KIFC1: variants seen among roughly 807,000 people sequenced by gnomAD.
KIFC1 encodes the protein kinesin-like protein KIFC1.
Under a neutral mutation model 66.6 loss-of-function variants are expected in KIFC1, and 37 were observed. The observed-to-expected ratio is 0.56, with a 90% CI of 0.43 to 0.73. The LOEUF (loss-of-function observed/expected upper bound fraction) is 0.73. Ranked by LOEUF, KIFC1 falls within the 30% of genes least tolerant of loss-of-function variation. KIFC1 has a pLI of 0.00. For synonymous variants in KIFC1, 325 were observed against 343.5 expected, an observed-to-expected ratio of 0.95 and a Z score of 0.60; for missense variants, 721 against 859.8, an observed-to-expected ratio of 0.84 and a Z score of 2.02.
At position 33,406,836 on chromosome 6, in the gene KIFC1, C is replaced by T. The variant is rs140326624; in HGVS notation, c.1938C>T (p.Asn646=). ...TGAACATTTCTCCACTGGAAGAGAA[C>T]GTCTCCGAGTCCCTCAACTCTCTAC... ...MFVNISPLEE[N]VSESLNSLRF... is the part of the protein sequence containing the mutation. Residue 646 remains asparagine, a synonymous_variant, in exon 10 of 11, where the codon AAC becomes AAT. Coordinates refer to ENST00000428849, the MANE Select transcript of KIFC1 (RefSeq NM_002263.4). This position sits in a 1 kb window ranked among gnomAD's most constrained non-coding sequence, Gnocchi z 4.5. The T allele has an allele frequency of 2.9e-5, 47 of 1,613,990 alleles. No homozygotes were observed. The highest frequency in any genetic ancestry group is 4.4e-5 in the South Asian group (4 of 91,084).
chr6:33,399,908 T>C (rs1206620903), intron 3 of KIFC1, among the ~76,000 whole-genome samples: 1 of 152,242 alleles, frequency 6.6e-6, no homozygotes, highest in Non-Finnish European at 1.5e-5. Context: ...TTATAATAAA[T>C]TAACCTTAGT....
Position 33,406,657 on chromosome 6 carries a change from T to C in KIFC1, c.1893T>C (p.Ser631=). 6.2e-7 allele frequency: 1 copy of C among 1,613,650 alleles called. No individual in the cohort carries two copies. Among genetic ancestry groups the C allele is most frequent in the Non-Finnish European group, 8.5e-7 (1 of 1,179,910 alleles). Residue 631 remains serine (S), a synonymous_variant, in exon 9 of 11, where the codon AGT becomes AGC. Coordinates refer to ENST00000428849, the MANE Select transcript of KIFC1 (RefSeq NM_002263.4). The surrounding 1 kb of genome is among the most constrained non-coding windows in gnomAD (Gnocchi z 4.5). The part of the protein sequence containing the change: ...TYLLQNSLGG[S]AKMLMFVNIS... Reference sequence around the variant, plus strand: ...TGCTGCAGAACTCTCTGGGTGGTAGTGCTAAGATGTGAGTGAAAGGGACAG... The same window carrying C: ...TGCTGCAGAACTCTCTGGGTGGTAGCGCTAAGATGTGAGTGAAAGGGACAG...
At chr6:33,396,987 CTTTTTTTTTTT>C (rs9282514) in intron 1 of KIFC1, among the ~76,000 whole-genome samples, 2 of 89,204 alleles carry the variant, frequency 2.2e-5, no homozygotes, top group Non-Finnish European at 4.1e-5. Flanking sequence ...TGGCCAAGTT[CTTTTTTTTTTT>C]TTTTTTTTTG....
intron 1 of KIFC1, among the ~76,000 whole-genome samples, chr6:33,394,523 C>T (rs146981289): frequency 1.3e-5 from 2 of 152,188 alleles, no homozygotes; most frequent in East Asian, 3.9e-4. Flanking sequence ...ACTCTGTTGC[C>T]CAGGCTGGAG....
In KIFC1 at chr6:33,405,841, G is replaced by A. The variant is rs971232004; in HGVS notation, c.1536+210G>A. On this transcript the variant is annotated intron_variant, in intron 7 of 10. Transcript: ENST00000428849. This position sits in a 1 kb window ranked among gnomAD's most constrained non-coding sequence, Gnocchi z 5.4. ...GAGGGAGTGATGCATCTGCCAAAAC[G>A]AGGAGGGTCACTACATCTCATGTCT... Among the ~76,000 whole-genome samples, 1 of 152,114 alleles carries A rather than the reference G, an allele frequency of 6.6e-6. No homozygotes were observed. The highest frequency in any genetic ancestry group is 6.5e-5 in the Admixed American group (1 of 15,278).
chr6:33,405,489 A>G lies in KIFC1; in HGVS notation c.1394A>G (p.Tyr465Cys), dbSNP rs761278092. ...TTTGTAGCAAGCTACGTAGAGATCT[A>G]CAATGAGACTGTCCGGGACCTGCTG... ...YSFVASYVEI[Y>C]NETVRDLLAT... The change falls in exon 7 of 11, where the codon TAC becomes TGC. Residue 465 changes from tyrosine to cysteine, a missense_variant. Transcript: ENST00000428849. The surrounding 1 kb of genome is among the most constrained non-coding windows in gnomAD (Gnocchi z 5.4). 1 of 1,612,868 alleles carries G rather than the reference A, an allele frequency of 6.2e-7. No individual in the cohort carries two copies. Among genetic ancestry groups the G allele is most frequent in the East Asian group, 2.2e-5 (1 of 44,854 alleles).
chr6:33,407,099 A>G, intron 10 of KIFC1: 1 of 1,398,754 alleles, frequency 7.1e-7, no homozygotes, highest in Non-Finnish European at 9.3e-7. Context: ...TTAAAAAAAA[A>G]AGAAAAGGTG....
chr6:33,391,624 G>A, upstream of KIFC1: 3 of 444,204 alleles, frequency 6.8e-6, no homozygotes, highest in Non-Finnish European at 1.2e-5. Context: ...AGGAGGGGAG[G>A]GGTGAGAAGC....
At position 33,405,603 on chromosome 6, in the gene KIFC1, G is replaced by A. The variant is rs981774834; in HGVS notation, c.1508G>A (p.Arg503Gln). 4.6e-6 allele frequency: 7 copies of A among 1,536,316 alleles called. No homozygotes were observed. The highest frequency in any genetic ancestry group is 6.1e-6 in the Non-Finnish European group (7 of 1,145,014). ...GSEELTVTNARYVPVSCEKEV... is the reference protein window; with the variant it reads ...GSEELTVTNAQYVPVSCEKEV... ...GAGGAGCTCACTGTCACCAATGCTC[G>A]ATATGTCCCTGTCTCCTGTGAGAAA... The change falls in exon 7 of 11, where the codon CGA becomes CAA. Residue 503 changes from arginine (R) to glutamine (Q), a missense_variant. Arg to Gln is a conservative substitution (Grantham distance 43). Transcript: ENST00000428849. This position sits in a 1 kb window ranked among gnomAD's most constrained non-coding sequence, Gnocchi z 5.4.
chr6:33,406,500 TG>T lies in KIFC1; in HGVS notation c.1827+18del. 2 of 1,601,334 alleles carry T rather than the reference TG, an allele frequency of 1.2e-6. No homozygotes were observed. The highest frequency in any genetic ancestry group is 1.7e-4 in the Middle Eastern group (1 of 6,004). ...CTGAGCAACAAGGTGGGAATGGGAG[TG>T]GGGTGAGATACGGGACCTGGGGGAC... On this transcript the variant is annotated intron_variant, in intron 8 of 10. Transcript: ENST00000428849. The surrounding 1 kb of genome is among the most constrained non-coding windows in gnomAD (Gnocchi z 4.5).
intron 3 of KIFC1, among the ~76,000 whole-genome samples, chr6:33,402,684 C>T (rs1001732836): frequency 2.7e-5 from 4 of 149,052 alleles, no homozygotes; most frequent in East Asian, 2.0e-4. Flanking sequence ...GAGCTGAGAT[C>T]GCGCCATTGC....
intron 1 of KIFC1, among the ~76,000 whole-genome samples, chr6:33,397,296 CTTTTTTTTT>C (rs9280438): frequency 1.9e-5 from 2 of 102,630 alleles, no homozygotes; most frequent in African/African-American, 7.4e-5. Context: ...TTCTAATGCC[CTTTTTTTTT>C]TTTTTTTTTT....
chr6:33,409,728 TGTGTGTGTGTG>T lies in KIFC1; in HGVS notation c.*39_*49del. 1 of 1,444,876 alleles carries T rather than the reference TGTGTGTGTGTG, an allele frequency of 6.9e-7. No individual in the cohort carries two copies. The highest frequency in any genetic ancestry group is 9.6e-7 in the Non-Finnish European group (1 of 1,044,486). 89.5% of individuals were successfully genotyped at this position (1,444,876 alleles called of 1,614,324 possible). On this transcript the variant is annotated 3_prime_UTR_variant, in exon 11 of 11. Coordinates refer to ENST00000428849, the MANE Select transcript of KIFC1 (RefSeq NM_002263.4). The stretch of plus-strand genomic sequence containing the variant: ...ATCTGTGTGTGTGTGTGTGTGTGTG[TGTGTGTGTGTG>T]TGTGTGTGTGTGTGTCCCTATGTCT...
At chr6:33,398,493 C>A in intron 3 of KIFC1, 106 bp downstream of exon 3, 2 of 901,382 alleles carry the variant, frequency 2.2e-6, no homozygotes, top group Non-Finnish European at 3.5e-6. Context: ...GAGACAGAGT[C>A]TCGCTCTATC....
intron 10 of KIFC1, 67 bp from the exon 11 acceptor site, chr6:33,409,579 G>A (rs1003817785): frequency 2.0e-6 from 3 of 1,481,892 alleles, no homozygotes; most frequent in Non-Finnish European, 2.8e-6. Flanking sequence ...GAGGATGGGA[G>A]ATCTTGGGAA....
rs538332808 is a variant in KIFC1 at position 33,402,730 on chromosome 6, C to CA, written c.251-574dup. On this transcript the variant is annotated intron_variant, in intron 3 of 10. Coordinates refer to ENST00000428849, the MANE Select transcript of KIFC1 (RefSeq NM_002263.4). Reference sequence around the variant, plus strand: ...GGGTGAGAAGAGTGCAACTCCATCTCAAAAAAAAAACAAAATGGAGGCCAA... The same window carrying CA: ...GGGTGAGAAGAGTGCAACTCCATCTCAAAAAAAAAAACAAAATGGAGGCCAA... Among the ~76,000 whole-genome samples the CA allele has an allele frequency of 4.5e-3, 572 of 126,654 alleles. 4 individuals are homozygous for CA. The highest frequency in any genetic ancestry group is 7.1e-3 in the Non-Finnish European group (429 of 60,638). The allele number at this position is 126,654 out of a possible 152,430, so 83.1% of individuals were successfully genotyped here. A position where few individuals can be genotyped will look rare whatever the true frequency, so the allele number is the denominator to read the frequency against.
chr6:33,398,350 C>T lies in KIFC1; in HGVS notation c.213C>T (p.Ser71=). The T allele has an allele frequency of 6.2e-7, 1 of 1,614,060 alleles. No individual in the cohort carries two copies. Among genetic ancestry groups the T allele is most frequent in the South Asian group, 1.1e-5 (1 of 91,080 alleles). ...CCACATCCCACCCAAGAGTTCCATC[C>T]CTCACTACAGTGCCACAGACACAAG... ...KITTSHPRVP[S]LTTVPQTQGQ... The change falls in exon 3 of 11, where the codon TCC becomes TCT. Residue 71 remains serine, a synonymous_variant. Transcript: ENST00000428849.
chr6:33,403,394 A>G lies in KIFC1; in HGVS notation c.304+27A>G. 1 of 1,613,482 alleles carries G rather than the reference A, an allele frequency of 6.2e-7. No homozygotes were observed. Among genetic ancestry groups the G allele is most frequent in the Non-Finnish European group, 8.5e-7 (1 of 1,179,404 alleles). ...TAACTGTGCTCAAGAGCTGGGTCTG[A>G]GAAGGGATTTGGGGTATGTGTAAAG... is the stretch of plus-strand genomic sequence containing the variant. On this transcript the variant is annotated intron_variant, in intron 4 of 10. Transcript: ENST00000428849. This position sits in a 1 kb window ranked among gnomAD's most constrained non-coding sequence, Gnocchi z 4.6.
At chr6:33,408,900 C>T (rs992443061) in intron 10 of KIFC1, among the ~76,000 whole-genome samples, 5 of 152,070 alleles carry the variant, frequency 3.3e-5, no homozygotes, top group African/African-American at 7.2e-5. Flanking sequence ...TGGCCGGGCG[C>T]GGTGGCTCAT....
Sources: gnomAD v4.1 joint callset for allele counts (sites outside exome capture counted in the v4.1 genomes callset) on GRCh38, gnomAD v4.1.1 for gene constraint, Gnocchi (gnomAD v3.1) non-coding constraint, MANE v1.5 for transcripts, NCBI Gene and HGNC (gene_info 2026-07-23, HGNC 2026-07-21) for gene names.